Variants in MTUS1 observed in about 807,000 individuals in gnomAD.
MTUS1 encodes microtubule-associated tumor suppressor 1.
Under a neutral mutation model 120.8 loss-of-function variants are expected in MTUS1, and 109 were observed. That is an observed-to-expected ratio of 0.90 (90% confidence interval 0.77 to 1.06). MTUS1 has a LOEUF of 1.06. Among genes scored for constraint, MTUS1 ranks in the 50% least tolerant of loss-of-function variants. MTUS1 has a pLI of 0.00. For missense variants in MTUS1, 2,210 were observed against 1,486.3 expected, an observed-to-expected ratio of 1.49 and a Z score of -8.01; for synonymous variants, 737 against 550.5, an observed-to-expected ratio of 1.34 and a Z score of -4.74.
At chr8:17,646,821 G>T (rs1805890686) in intron 14 of MTUS1, among the ~76,000 whole-genome samples, 161 bp downstream of exon 14, 1 of 152,194 alleles carries the variant, frequency 6.6e-6, no homozygotes, top group African/African-American at 2.4e-5. Flanking sequence ...GTAAAAGCAT[G>T]AACTACTACA....
chr8:17,788,989 T>C (rs1173088045), intron 1 of MTUS1, among the ~76,000 whole-genome samples: 2 of 151,966 alleles, frequency 1.3e-5, no homozygotes, highest in South Asian at 4.1e-4. Flanking sequence ...TGTACAGTTA[T>C]GCTAAAGAAA....
chr8:17,723,513 A>AT (rs1196356229), intron 4 of MTUS1, 159 bp downstream of exon 4: 20 of 740,036 alleles, frequency 2.7e-5, no homozygotes, highest in African/African-American at 3.5e-5. Context: ...TTTTCAAAGA[A>AT]TTTTTTTTCT....
chr8:17,646,902 G>C (rs1805909185), intron 14 of MTUS1, 80 bp downstream of exon 14: 1 of 945,978 alleles, frequency 1.1e-6, no homozygotes, highest in Non-Finnish European at 1.7e-6. Context: ...GGAGGTGCAG[G>C]GGTAGAGCGT....
chr8:17,672,132 T>A (rs1327661401), intron 8 of MTUS1, among the ~76,000 whole-genome samples: 1 of 152,130 alleles, frequency 6.6e-6, no homozygotes, highest in African/African-American at 2.4e-5. Context: ...GAGCCTGTCG[T>A]TTGGGATTTC....
At chr8:17,763,076 C>T (rs1402228776) in intron 1 of MTUS1, among the ~76,000 whole-genome samples, 1 of 151,836 alleles carries the variant, frequency 6.6e-6, no homozygotes, top group African/African-American at 2.4e-5. Context: ...ACTGCAACCT[C>T]CCCCTCCCGT....
intron 1 of MTUS1, among the ~76,000 whole-genome samples, chr8:17,768,589 A>AC (rs1302834638): frequency 6.6e-6 from 1 of 151,974 alleles, no homozygotes; most frequent in South Asian, 2.1e-4. Flanking sequence ...TTCCCTACCC[A>AC]CCCTCAAAGC....
chr8:17,650,323 A>T (rs1200308305), intron 12 of MTUS1, among the ~76,000 whole-genome samples: 1 of 152,210 alleles, frequency 6.6e-6, no homozygotes, highest in East Asian at 1.9e-4. Flanking sequence ...AGGGAACAAC[A>T]GTTCTCTCCT....
chr8:17,756,242 C>T (rs2048599945), intron 1 of MTUS1, among the ~76,000 whole-genome samples: 1 of 152,194 alleles, frequency 6.6e-6, no homozygotes, highest in Non-Finnish European at 1.5e-5. Context: ...TCCCCCACTC[C>T]CAGGGACTTG....
intron 3 of MTUS1, among the ~76,000 whole-genome samples, chr8:17,730,392 G>T (rs1387185984): frequency 6.6e-6 from 1 of 151,348 alleles, no homozygotes; most frequent in Non-Finnish European, 1.5e-5. Flanking sequence ...GGGTGAGGTA[G>T]GAGAATCACT....
At chr8:17,769,986 G>A (rs1413110849) in intron 1 of MTUS1, among the ~76,000 whole-genome samples, 1 of 151,352 alleles carries the variant, frequency 6.6e-6, no homozygotes, top group African/African-American at 2.4e-5. Flanking sequence ...TGAGAAATAA[G>A]CAAGGTTCTA....
At chr8:17,695,505 A>C (rs1411018439) in intron 6 of MTUS1, among the ~76,000 whole-genome samples, 1 of 152,222 alleles carries the variant, frequency 6.6e-6, no homozygotes, top group Non-Finnish European at 1.5e-5. Context: ...GTTTTACGTA[A>C]GTTTAGAAAA....
intron 3 of MTUS1, among the ~76,000 whole-genome samples, chr8:17,735,659 C>T (rs913362016): frequency 4.6e-5 from 7 of 152,234 alleles, no homozygotes; most frequent in Non-Finnish European, 7.3e-5. Context: ...CAAATGTCAC[C>T]GCCTCTCCTC....
Position 17,776,641 on chromosome 8 carries a change from G to T in MTUS1, c.-154-20680C>A, listed in dbSNP as rs139831853. Among the ~76,000 whole-genome samples the T allele has an allele frequency of 4.0e-5, 5 of 124,726 alleles. No homozygotes were observed. In the East Asian group the frequency reaches 7.7e-4, roughly 19 times the overall value. 81.8% of individuals were successfully genotyped at this position (124,726 alleles called of 152,430 possible). A position where few individuals can be genotyped will look rare whatever the true frequency, so the allele number is the denominator to read the frequency against. On this transcript the variant is annotated intron_variant, in intron 1 of 14. Coordinates refer to ENST00000693296, the MANE Select transcript of MTUS1 (RefSeq NM_001363059.2). Reference sequence around the variant, plus strand: ...TTGTAGTGAGGTGAGACTGCACCACGGCACTCCAGCCTGGGTGACTGAGTG... The same window carrying T: ...TTGTAGTGAGGTGAGACTGCACCACTGCACTCCAGCCTGGGTGACTGAGTG...
At chr8:17,660,305 G>A (rs894051136) in intron 8 of MTUS1, among the ~76,000 whole-genome samples, 1 of 152,108 alleles carries the variant, frequency 6.6e-6, no homozygotes, top group African/African-American at 2.4e-5. Context: ...CCCAAGCAGT[G>A]CAGGTTGCAG....
At chr8:17,697,595 C>T (rs1478690226) in intron 6 of MTUS1, 1 of 1,321,840 alleles carries the variant, frequency 7.6e-7, no homozygotes, top group Non-Finnish European at 9.7e-7. Flanking sequence ...CAGATGTTGC[C>T]AAAATGATGC....
chr8:17,763,701 C>A (rs2049230343), intron 1 of MTUS1, among the ~76,000 whole-genome samples: 1 of 152,144 alleles, frequency 6.6e-6, no homozygotes, highest in Non-Finnish European at 1.5e-5. Flanking sequence ...GAGCCCCAGG[C>A]AAAGGGAAAC....
chr8:17,759,330 T>TACA lies in MTUS1; in HGVS notation c.-154-3372_-154-3370dup, dbSNP rs201178572. Reference sequence around the variant, plus strand: ...CCAAGCTGCAGTGCAGTGATGTGATTACAGCTTACTGCAGCCTCAACCTCC... The same window carrying TACA: ...CCAAGCTGCAGTGCAGTGATGTGATTACAACAGCTTACTGCAGCCTCAACCTCC... On this transcript the variant is annotated intron_variant, in intron 1 of 14. Coordinates refer to ENST00000693296, the MANE Select transcript of MTUS1 (RefSeq NM_001363059.2). Among the ~76,000 whole-genome samples, 1,391 of 151,022 alleles carry TACA rather than the reference T, an allele frequency of 9.2e-3. 31 individuals are homozygous for TACA. Among genetic ancestry groups the TACA allele is most frequent in the African/African-American group, 0.032 (1,335 of 41,246 alleles).
At chr8:17,744,367 C>T (rs994739122) in intron 2 of MTUS1, among the ~76,000 whole-genome samples, 1 of 151,640 alleles carries the variant, frequency 6.6e-6, no homozygotes, top group Non-Finnish European at 1.5e-5. Flanking sequence ...TCCACAGCCC[C>T]TTATCTTATC....
At chr8:17,751,484 C>T (rs866044374) in intron 2 of MTUS1, among the ~76,000 whole-genome samples, 1 of 152,180 alleles carries the variant, frequency 6.6e-6, no homozygotes, top group Non-Finnish European at 1.5e-5. Context: ...AGACACTTTC[C>T]AGTCCTCCTT....
Sources: allele counts gnomAD v4.1 joint callset (sites outside exome capture counted in the v4.1 genomes callset), GRCh38; gene constraint gnomAD v4.1.1; transcripts MANE v1.5; gene names NCBI Gene and HGNC (gene_info 2026-07-23, HGNC 2026-07-21).